KAT6B: variants seen among roughly 807,000 people sequenced by gnomAD.
The protein encoded by KAT6B is lysine acetyltransferase 6B, also known as histone acetyltransferase KAT6B.
A neutral mutation model predicts 187.5 loss-of-function variants in KAT6B; 10 were observed. That is an observed-to-expected ratio of 0.05 (90% confidence interval 0.03 to 0.09). KAT6B has a LOEUF of 0.09. Ranked by LOEUF, KAT6B falls within the 10% of genes least tolerant of loss-of-function variation. KAT6B has a pLI of 1.00. For synonymous variants in KAT6B, 861 were observed against 926.8 expected, an observed-to-expected ratio of 0.93 and a Z score of 1.29; for missense variants, 1,952 against 2,558.9, an observed-to-expected ratio of 0.76 and a Z score of 5.12.
chr10:74,947,494 C>T (rs1024551428), intron 3 of KAT6B, among the ~76,000 whole-genome samples: 3 of 152,120 alleles, frequency 2.0e-5, no homozygotes, highest in African/African-American at 4.8e-5. Flanking sequence ...ATGTTACATT[C>T]GTATATTCAA....
intron 3 of KAT6B, among the ~76,000 whole-genome samples, chr10:74,926,563 C>T (rs913706276): frequency 2.6e-5 from 4 of 152,212 alleles, no homozygotes; most frequent in Admixed American, 2.0e-4. Context: ...AATAACCTGA[C>T]GGAGGTCCTT....
intron 3 of KAT6B, among the ~76,000 whole-genome samples, chr10:74,846,888 G>A (rs995539120): frequency 6.6e-6 from 1 of 152,186 alleles, no homozygotes; most frequent in African/African-American, 2.4e-5. Flanking sequence ...CAGGTACGTG[G>A]ACTAATTCAG....
rs188835750 is a variant in KAT6B at position 74,850,834 on chromosome 10, T to G, written c.621+7356T>G. ...TTTTATAAAATCAGTTTAGTTCCAT[T>G]TAAAATAAATTCCATAGTATTTCAC... is the stretch of plus-strand genomic sequence containing the variant. On this transcript the variant is annotated intron_variant, in intron 3 of 17. Coordinates refer to ENST00000287239, the MANE Select transcript of KAT6B (RefSeq NM_012330.4). 3.9e-5 allele frequency among the ~76,000 whole-genome samples: 6 copies of G among 152,354 alleles called. No homozygotes were observed. The East Asian group carries it at 9.6e-4, about 24-fold the overall frequency.
At position 74,898,997 on chromosome 10, in the gene KAT6B, C is replaced by CAAAAAAAAAAAAA. The variant is rs776291985; in HGVS notation, c.621+55522_621+55534dup. On this transcript the variant is annotated intron_variant, in intron 3 of 17. Transcript: ENST00000287239. ...GAAACCCCCGTCTGTACTAAAAATA[C>CAAAAAAAAAAAAA]AAAAAAAAAAAAAAATAGCCGAGCA... 1.6e-4 allele frequency among the ~76,000 whole-genome samples: 17 copies of CAAAAAAAAAAAAA among 108,082 alleles called. 1 individual carries two copies. Among genetic ancestry groups the CAAAAAAAAAAAAA allele is most frequent in the African/African-American group, 6.3e-4 (16 of 25,412 alleles). 70.9% of individuals were successfully genotyped at this position (108,082 alleles called of 152,430 possible). A position where few individuals can be genotyped will look rare whatever the true frequency, so the allele number is the denominator to read the frequency against.
chr10:74,888,883 C>T (rs1179224125), intron 3 of KAT6B, among the ~76,000 whole-genome samples: 2 of 152,064 alleles, frequency 1.3e-5, no homozygotes, highest in East Asian at 1.9e-4. Context: ...CTCTCAGATA[C>T]GTTTTTAGTG....
chr10:74,867,962 CAAAGGTTTATGGAATGGCCGAATAAG>C lies in KAT6B; in HGVS notation c.621+24487_621+24512del, dbSNP rs896288099. Reference sequence around the variant, plus strand: ...TGCTCAATTAACTAAATGATTGAAGCAAAGGTTTATGGAATGGCCGAATAAGAATTTTTTAACCTAGTGCTTTAAGT... The same window carrying C: ...TGCTCAATTAACTAAATGATTGAAGCAATTTTTTAACCTAGTGCTTTAAGT... On this transcript the variant is annotated intron_variant, in intron 3 of 17. Coordinates refer to ENST00000287239, the MANE Select transcript of KAT6B (RefSeq NM_012330.4). Among the ~76,000 whole-genome samples, 5 of 152,254 alleles carry C rather than the reference CAAAGGTTTATGGAATGGCCGAATAAG, an allele frequency of 3.3e-5. No individual in the cohort carries two copies. The East Asian group carries it at 7.7e-4, about 23-fold the overall frequency.
chr10:74,839,051 G>A (rs1358592361), intron 2 of KAT6B, among the ~76,000 whole-genome samples: 1 of 151,720 alleles, frequency 6.6e-6, no homozygotes, highest in Non-Finnish European at 1.5e-5. Flanking sequence ...TACTTGGGAG[G>A]CTGAGGCAGG....
At chr10:74,874,591 G>A (rs1332770997) in intron 3 of KAT6B, among the ~76,000 whole-genome samples, 2 of 152,034 alleles carry the variant, frequency 1.3e-5, no homozygotes, top group Non-Finnish European at 2.9e-5. Context: ...ATGTTGGCCA[G>A]GCTGGTCTCA....
intron 3 of KAT6B, among the ~76,000 whole-genome samples, chr10:74,952,554 G>A (rs1840385468): frequency 6.6e-6 from 1 of 152,182 alleles, no homozygotes; most frequent in Non-Finnish European, 1.5e-5. Context: ...GGTGACCTTA[G>A]AGAGGTGGCC....
intron 7 of KAT6B, among the ~76,000 whole-genome samples, chr10:74,974,960 T>A (rs1268684963): frequency 6.6e-6 from 1 of 152,246 alleles, no homozygotes; most frequent in African/African-American, 2.4e-5. Flanking sequence ...AAAATTACTT[T>A]TAACTAGAGA....
chr10:74,881,116 G>T (rs950130277), intron 3 of KAT6B, among the ~76,000 whole-genome samples: 1 of 151,710 alleles, frequency 6.6e-6, no homozygotes, highest in African/African-American at 2.4e-5. Context: ...CACCATATTG[G>T]TCAGGCTGGT....
At chr10:74,881,257 G>A (rs2132522424) in intron 3 of KAT6B, among the ~76,000 whole-genome samples, 1 of 152,106 alleles carries the variant, frequency 6.6e-6, no homozygotes, top group East Asian at 1.9e-4. Flanking sequence ...TGCCCTGTTG[G>A]TTTTATAGTT....
rs1209947086 is a variant in KAT6B at position 75,030,294 on chromosome 10, A to G, written c.5470A>G (p.Thr1824Ala). The change falls in exon 18 of 18, where the codon ACT becomes GCT. Residue 1824 changes from threonine (T) to alanine (A), a missense_variant. Around this residue, in one of 9 missense-constraint regions of KAT6B, gnomAD observed 358 missense variants for 436.3 expected, o/e 0.82. Coordinates refer to ENST00000287239, the MANE Select transcript of KAT6B (RefSeq NM_012330.4). This position sits in a 1 kb window ranked among gnomAD's most constrained non-coding sequence, Gnocchi z 4.8. ...CAGCCTTGCCAAACTGCAGCAGTTAACTAATACACTTATTGATCATTCATT... is the reference window on the plus strand; with the variant it reads ...CAGCCTTGCCAAACTGCAGCAGTTAGCTAATACACTTATTGATCATTCATT... ...TFSLAKLQQL[T>A]NTLIDHSLPY... The G allele has an allele frequency of 1.2e-6, 2 of 1,614,164 alleles. No individual in the cohort carries two copies. The highest frequency in any genetic ancestry group is 4.5e-5 in the East Asian group (2 of 44,908).
chr10:75,031,096 CT>C lies in KAT6B; in HGVS notation c.*51del. ...TACGGGGCATCACTATTGGATTGAT[CT>C]GCACAAATACCTTTGAAGAGTACGA... On this transcript the variant is annotated 3_prime_UTR_variant, in exon 18 of 18. Transcript: ENST00000287239. 2 of 1,602,854 alleles carry C rather than the reference CT, an allele frequency of 1.2e-6. No homozygotes were observed. The highest frequency in any genetic ancestry group is 1.7e-6 in the Non-Finnish European group (2 of 1,173,024).
At chr10:74,882,887 A>G (rs186318452) in intron 3 of KAT6B, among the ~76,000 whole-genome samples, 22 of 152,346 alleles carry the variant, frequency 1.4e-4, no homozygotes, top group African/African-American at 5.3e-4. Context: ...ATTTTAAGAA[A>G]GCTTTGTCAG....
chr10:74,860,000 A>G (rs947205150), intron 3 of KAT6B, among the ~76,000 whole-genome samples: 11 of 152,252 alleles, frequency 7.2e-5, no homozygotes, highest in Non-Finnish European at 1.0e-4. Context: ...TTATAGCAGA[A>G]TGAAATAAAG....
intron 3 of KAT6B, among the ~76,000 whole-genome samples, chr10:74,896,393 G>A (rs935596508): frequency 5.9e-5 from 9 of 152,170 alleles, no homozygotes; most frequent in South Asian, 4.1e-4. Context: ...CTGGGTTCAA[G>A]CTATTCTCCT....
In KAT6B at chr10:74,903,952, C is replaced by T. The variant is rs181216337; in HGVS notation, c.622-56018C>T. ...TTATTTACCTGAAAAGTAAATGTTC[C>T]AGGGACTGAGATACTCCATGTGGAT... On this transcript the variant is annotated intron_variant, in intron 3 of 17. Coordinates refer to ENST00000287239, the MANE Select transcript of KAT6B (RefSeq NM_012330.4). Among the ~76,000 whole-genome samples, 328 of 152,258 alleles carry T rather than the reference C, an allele frequency of 2.2e-3. 1 individual carries two copies. The highest frequency in any genetic ancestry group is 7.5e-3 in the African/African-American group (311 of 41,560).
intron 3 of KAT6B, among the ~76,000 whole-genome samples, chr10:74,850,385 G>T (rs1240786696): frequency 6.6e-6 from 1 of 152,194 alleles, no homozygotes; most frequent in African/African-American, 2.4e-5. Flanking sequence ...TAGTAAGTCT[G>T]TGTCTAATTA....
Sources: allele counts gnomAD v4.1 joint callset (sites outside exome capture counted in the v4.1 genomes callset), GRCh38; gene constraint gnomAD v4.1.1; regional missense constraint gnomAD v4.1.1; non-coding constraint Gnocchi (gnomAD v3.1); transcripts MANE v1.5; gene names NCBI Gene and HGNC (gene_info 2026-07-23, HGNC 2026-07-21).